The following CDH10 variants were observed in gnomAD, a reference collection of about 807,000 sequenced individuals.
CDH10 encodes cadherin-10.
CDH10 carries 30 observed loss-of-function variants against 73.1 expected under a neutral mutation model. The observed-to-expected ratio is 0.41, with a 90% confidence interval of 0.31 to 0.56. The LOEUF is 0.56. Among genes scored for constraint, CDH10 ranks in the 20% least tolerant of loss-of-function variants. The probability of loss-of-function intolerance (pLI) is 0.27; values close to 1 mark genes in which losing one functional copy is unlikely to be tolerated. For synonymous variants in CDH10, 345 were observed against 348.2 expected (o/e 0.99, Z 0.10); for missense variants, 815 against 973.7 (o/e 0.84, Z 2.17).
intron 8 of CDH10, among the ~76,000 whole-genome samples, chr5:24,504,728 G>A (rs1204962548): frequency 6.6e-6 from 1 of 151,722 alleles, no homozygotes; most frequent in East Asian, 2.0e-4. Context: ...GTTTCACTGT[G>A]TTAGCCAGGA....
chr5:24,622,955 G>A (rs549432604), intron 1 of CDH10, among the ~76,000 whole-genome samples: 13 of 152,146 alleles, frequency 8.5e-5, no homozygotes, highest in Admixed American at 6.5e-4. Flanking sequence ...GATGTGACTC[G>A]CATATTTGAC....
chr5:24,607,469 G>C (rs77545159), intron 1 of CDH10, among the ~76,000 whole-genome samples: 90 of 152,104 alleles, frequency 5.9e-4, no homozygotes, highest in African/African-American at 2.2e-3. Context: ...TCAGGTGTCT[G>C]TTGTTCCTAC....
chr5:24,579,774 C>T (rs531453764), intron 2 of CDH10, among the ~76,000 whole-genome samples: 1 of 152,188 alleles, frequency 6.6e-6, no homozygotes, highest in Non-Finnish European at 1.5e-5. Flanking sequence ...TCTCTCTCTA[C>T]CATACACATG....
At chr5:24,602,504 G>A (rs1222664248) in intron 1 of CDH10, among the ~76,000 whole-genome samples, 4 of 152,072 alleles carry the variant, frequency 2.6e-5, no homozygotes, top group Non-Finnish European at 5.9e-5. Context: ...GTGTTTAAAT[G>A]ATATTTCCTG....
At chr5:24,493,719 A>G (rs1338635911) in intron 9 of CDH10, among the ~76,000 whole-genome samples, 1 of 151,846 alleles carries the variant, frequency 6.6e-6, no homozygotes, top group Non-Finnish European at 1.5e-5. Flanking sequence ...TATTTTTTAC[A>G]TATTTTAATT....
chr5:24,498,592 T>C, intron 8 of CDH10, 73 bp from the exon 9 acceptor site: 1 of 1,007,160 alleles, frequency 9.9e-7, no homozygotes, highest in Non-Finnish European at 1.6e-6. Context: ...ATAGGCATCT[T>C]GTGGGTATGA....
intron 2 of CDH10, among the ~76,000 whole-genome samples, chr5:24,570,531 C>T (rs1215670904): frequency 6.6e-6 from 1 of 151,998 alleles, no homozygotes; most frequent in Admixed American, 6.6e-5. Flanking sequence ...CAACTGTTGA[C>T]GTTATCAAAT....
intron 2 of CDH10, among the ~76,000 whole-genome samples, chr5:24,553,090 C>T (rs946280609): frequency 2.0e-5 from 3 of 152,052 alleles, no homozygotes; most frequent in East Asian, 1.9e-4. Context: ...CAGACAAGAC[C>T]GAATATTATT....
chr5:24,587,565 T>C (rs995918563), intron 2 of CDH10, among the ~76,000 whole-genome samples: 1 of 152,168 alleles, frequency 6.6e-6, no homozygotes, highest in Non-Finnish European at 1.5e-5. Context: ...TTGAGATACC[T>C]TCTGCAGAGC....
intron 9 of CDH10, among the ~76,000 whole-genome samples, chr5:24,495,770 C>G (rs371688752): frequency 6.6e-6 from 1 of 151,120 alleles, no homozygotes; most frequent in African/African-American, 2.4e-5. Context: ...TCACTTGAAC[C>G]GAACCCAGGA....
At chr5:24,528,988 A>C (rs181780950) in intron 5 of CDH10, among the ~76,000 whole-genome samples, 1 of 152,008 alleles carries the variant, frequency 6.6e-6, no homozygotes, top group African/African-American at 2.4e-5. Flanking sequence ...AGTTTTTGCT[A>C]TTAATGGAAA....
At chr5:24,492,326 T>C (rs1742087515) in intron 10 of CDH10, among the ~76,000 whole-genome samples, 1 of 152,168 alleles carries the variant, frequency 6.6e-6, no homozygotes, top group Admixed American at 6.5e-5. Context: ...AGAAGAAGGT[T>C]TTTTAACCTT....
At chr5:24,538,091 T>C (rs1744023912) in intron 2 of CDH10, among the ~76,000 whole-genome samples, 1 of 152,068 alleles carries the variant, frequency 6.6e-6, no homozygotes, top group South Asian at 2.1e-4. Flanking sequence ...AAACTTGTTA[T>C]TAGCTATCAT....
chr5:24,640,325 GAGA>G lies in CDH10; in HGVS notation c.-124+4266_-124+4268del, dbSNP rs554858845. Among the ~76,000 whole-genome samples the G allele has an allele frequency of 6.6e-5, 10 of 151,602 alleles. No homozygotes were observed. The East Asian group carries it at 1.9e-3, about 29-fold the overall frequency. On this transcript the variant is annotated intron_variant, in intron 1 of 11. Coordinates refer to ENST00000264463, the MANE Select transcript of CDH10 (RefSeq NM_006727.5). ...AGATGGGGTAGAAGAGAGAGAGAGG[GAGA>G]AGATGACCTGCTAAATTTATGGGGA...
chr5:24,575,464 T>C (rs746297481), intron 2 of CDH10, among the ~76,000 whole-genome samples: 3 of 152,078 alleles, frequency 2.0e-5, no homozygotes, highest in Admixed American at 1.3e-4. Flanking sequence ...TAAGATACTT[T>C]ACCTAAAAAT....
intron 11 of CDH10, among the ~76,000 whole-genome samples, 165 bp from the exon 12 acceptor site, chr5:24,488,318 G>A (rs1741921378): frequency 1.3e-5 from 2 of 152,112 alleles, no homozygotes; most frequent in South Asian, 4.1e-4. Flanking sequence ...CAGGGGAGAC[G>A]CTGAAGGGTT....
chr5:24,564,874 A>G (rs529762418), intron 2 of CDH10, among the ~76,000 whole-genome samples: 3 of 151,886 alleles, frequency 2.0e-5, no homozygotes, highest in South Asian at 2.1e-4. Context: ...CTCATGCTGG[A>G]CCCTCCTGTG....
chr5:24,557,994 A>G (rs1466526646), intron 2 of CDH10, among the ~76,000 whole-genome samples: 1 of 151,818 alleles, frequency 6.6e-6, no homozygotes, highest in Non-Finnish European at 1.5e-5. Flanking sequence ...TAGAAACAAG[A>G]GGCAAAGTAT....
chr5:24,625,104 CTTTA>C (rs1229577428), intron 1 of CDH10, among the ~76,000 whole-genome samples: 1 of 152,172 alleles, frequency 6.6e-6, no homozygotes, highest in Non-Finnish European at 1.5e-5. Context: ...TGCCATACTA[CTTTA>C]TTTATTAGGT....
Sources: gnomAD v4.1 joint callset for allele counts (sites outside exome capture counted in the v4.1 genomes callset) on GRCh38, gnomAD v4.1.1 for gene constraint, MANE v1.5 for transcripts, NCBI Gene and HGNC (gene_info 2026-07-23, HGNC 2026-07-21) for gene names.